Variants in FAM53A observed in about 807,000 individuals in gnomAD.
The protein encoded by FAM53A is protein FAM53A.
Under a neutral mutation model 26.6 loss-of-function variants are expected in FAM53A, and 28 were observed. The ratio of observed to expected loss-of-function variants is 1.05; its 90% CI spans 0.78 to 1.45. The LOEUF is 1.45. Ranked by LOEUF, FAM53A falls within the 40% of genes most tolerant of loss-of-function variation. FAM53A has a pLI of 0.00. For synonymous variants in FAM53A, 290 were observed against 253.1 expected (o/e 1.15, Z -1.38); for missense variants, 650 against 575.8 (o/e 1.13, Z -1.32).
At chr4:1,643,150 C>T (rs983207497) in intron 4 of FAM53A, among the ~76,000 whole-genome samples, 1 of 152,146 alleles carries the variant, frequency 6.6e-6, no homozygotes, top group East Asian at 1.9e-4. Flanking sequence ...CTCCTTTTTT[C>T]TAAGGATATT....
At position 1,659,740 on chromosome 4, in the gene FAM53A, G is replaced by A. The variant is rs550036507; in HGVS notation, c.76-2272C>T. On this transcript the variant is annotated intron_variant, in intron 2 of 4. Coordinates refer to ENST00000308132, the MANE Select transcript of FAM53A (RefSeq NM_001174070.3). The surrounding 1 kb of genome is among the most constrained non-coding windows in gnomAD (Gnocchi z 5.2). Reference sequence around the variant, plus strand: ...GCAGAAGTCCAAGATCAAGGGACAGGCAGATTCAGTGTCTGGTAAGGCCAC... The same window carrying A: ...GCAGAAGTCCAAGATCAAGGGACAGACAGATTCAGTGTCTGGTAAGGCCAC... Among the ~76,000 whole-genome samples, 1 of 152,312 alleles carries A rather than the reference G, an allele frequency of 6.6e-6. No individual in the cohort carries two copies. Among genetic ancestry groups the A allele is most frequent in the Non-Finnish European group, 1.5e-5 (1 of 68,030 alleles).
At chr4:1,607,897 G>A in the FAM53A span, among the ~76,000 whole-genome samples, 4 of 150,684 alleles carry the variant, frequency 2.7e-5, no homozygotes, top group South Asian at 2.1e-4. Flanking sequence ...CCGAGATCAC[G>A]CCACTGCACT....
At chr4:1,603,662 C>G in the FAM53A span, among the ~76,000 whole-genome samples, 1 of 152,208 alleles carries the variant, frequency 6.6e-6, no homozygotes, top group African/African-American at 2.4e-5. Context: ...CCCACTGACA[C>G]GGCTCCCACC....
At chr4:1,575,973 C>A in the FAM53A span, among the ~76,000 whole-genome samples, 6 of 152,238 alleles carry the variant, frequency 3.9e-5, no homozygotes, top group African/African-American at 1.2e-4. Flanking sequence ...GAATTCCACA[C>A]CCCCCACCTG....
chr4:1,679,846 C>T (rs867679447), intron 1 of FAM53A, among the ~76,000 whole-genome samples: 3 of 150,396 alleles, frequency 2.0e-5, no homozygotes, highest in South Asian at 2.1e-4. Context: ...ATCAGGAGTT[C>T]GAGACCAGCC....
the FAM53A span, among the ~76,000 whole-genome samples, chr4:1,588,435 T>A: frequency 4.6e-5 from 7 of 152,208 alleles, no homozygotes; most frequent in South Asian, 1.4e-3. Flanking sequence ...GGTGCGTGAC[T>A]GCCGAGAACT....
the FAM53A span, among the ~76,000 whole-genome samples, chr4:1,595,678 G>A: frequency 2.6e-5 from 4 of 152,218 alleles, no homozygotes; most frequent in South Asian, 2.1e-4. Flanking sequence ...ACCCAGCACC[G>A]CGGGAAGCGC....
At chr4:1,636,886 G>C (rs918947553), downstream of FAM53A, among the ~76,000 whole-genome samples, 6 of 151,904 alleles carry the variant, frequency 3.9e-5, no homozygotes, top group African/African-American at 1.2e-4. Flanking sequence ...GCTCTTGCTG[G>C]GGGGGGGTCC....
chr4:1,673,156 C>T (rs550261653), intron 1 of FAM53A, among the ~76,000 whole-genome samples: 85 of 152,316 alleles, frequency 5.6e-4, no homozygotes, highest in African/African-American at 1.9e-3. Flanking sequence ...CAGAGATCTT[C>T]AGAAGCATGG....
At chr4:1,662,591 A>G (rs1454370006) in intron 2 of FAM53A, among the ~76,000 whole-genome samples, 1 of 150,132 alleles carries the variant, frequency 6.7e-6, no homozygotes, top group Non-Finnish European at 1.5e-5. Context: ...TCGAGGCTGC[A>G]GTGAGCAGTG....
rs751678293 is a variant in FAM53A at position 1,655,686 on chromosome 4, G to A, written c.174C>T (p.Pro58=). Residue 58 remains proline (P), a synonymous_variant, in exon 4 of 5, where the codon CCC becomes CCT. Transcript: ENST00000308132. The part of the protein sequence containing the change: ...SPWKVFSGGP[P]VRSQAATGPD... Reference sequence around the variant, plus strand: ...GGCCCGTGGCTGCCTGGCTTCTGACGGGCGGTCCTCCACTGAAGACCTTCC... The same window carrying A: ...GGCCCGTGGCTGCCTGGCTTCTGACAGGCGGTCCTCCACTGAAGACCTTCC... 1.3e-5 allele frequency: 20 copies of A among 1,592,908 alleles called. No homozygotes were observed. Among genetic ancestry groups the A allele is most frequent in the African/African-American group, 8.1e-5 (6 of 74,306 alleles).
chr4:1,651,857 C>T (rs1033795414), intron 4 of FAM53A, among the ~76,000 whole-genome samples: 4 of 152,062 alleles, frequency 2.6e-5, no homozygotes, highest in African/African-American at 9.7e-5. Flanking sequence ...ATGGATGCCC[C>T]GCGCAGCCCC....
the FAM53A span, among the ~76,000 whole-genome samples, chr4:1,587,642 A>G: frequency 6.6e-6 from 1 of 152,196 alleles, no homozygotes; most frequent in Non-Finnish European, 1.5e-5. Flanking sequence ...ACTGCACTCC[A>G]GCCTAGGTGA....
At chr4:1,629,604 A>G (rs1715520798) in intron 1 of FAM53A, among the ~76,000 whole-genome samples, 1 of 152,172 alleles carries the variant, frequency 6.6e-6, no homozygotes, top group Admixed American at 6.6e-5. Flanking sequence ...TCCTCAGCAG[A>G]CAGGAGCTGC....
At chr4:1,604,224 G>A in the FAM53A span, among the ~76,000 whole-genome samples, 2 of 152,242 alleles carry the variant, frequency 1.3e-5, no homozygotes, top group Admixed American at 1.3e-4. Flanking sequence ...TGGGGAAGAA[G>A]GCTCGAGGCT....
At chr4:1,596,661 C>G in the FAM53A span, among the ~76,000 whole-genome samples, 1 of 152,222 alleles carries the variant, frequency 6.6e-6, no homozygotes, top group Non-Finnish European at 1.5e-5. Flanking sequence ...ACGGTGTCCG[C>G]CCGCCGCGGG....
intron 1 of FAM53A, among the ~76,000 whole-genome samples, chr4:1,670,561 C>T (rs1273290844): frequency 1.3e-5 from 2 of 152,222 alleles, no homozygotes; most frequent in Non-Finnish European, 2.9e-5. Context: ...AAGGCTGTGC[C>T]CGCCTGGCTC....
chr4:1,592,217 A>T, the FAM53A span, among the ~76,000 whole-genome samples: 6 of 152,242 alleles, frequency 3.9e-5, no homozygotes, highest in Non-Finnish European at 8.8e-5. Context: ...GGAAAAAAAA[A>T]TGCCACGTAA....
At chr4:1,672,200 ACCAGGAACCCACAGAT>A (rs1714721077) in intron 1 of FAM53A, among the ~76,000 whole-genome samples, 1 of 81,294 alleles carries the variant, frequency 1.2e-5, no homozygotes, top group African/African-American at 3.6e-5. Flanking sequence ...GGACCCAGGA[ACCAGGAACCCACAGAT>A]CCAGGAACCC....
Sources: allele counts gnomAD v4.1 joint callset (sites outside exome capture counted in the v4.1 genomes callset), GRCh38; gene constraint gnomAD v4.1.1; non-coding constraint Gnocchi (gnomAD v3.1); transcripts MANE v1.5; gene names NCBI Gene and HGNC (gene_info 2026-07-23, HGNC 2026-07-21).